The following DOCK4 variants were observed in gnomAD, a reference collection of about 807,000 sequenced individuals.
The protein encoded by DOCK4 is dedicator of cytokinesis protein 4.
Under a neutral mutation model 268.1 loss-of-function variants are expected in DOCK4, and 97 were observed. The ratio of observed to expected loss-of-function variants is 0.36; its 90% CI spans 0.31 to 0.43. The LOEUF is 0.43. Ranked by LOEUF, DOCK4 falls within the 20% of genes least tolerant of loss-of-function variation. The pLI, the probability that DOCK4 is intolerant of heterozygous loss-of-function variation, is 1.00. For missense variants in DOCK4, 2,145 were observed against 2,455.7 expected (o/e 0.87, Z 2.67); for synonymous variants, 954 against 887.2 (o/e 1.08, Z -1.34).
At chr7:112,005,113 C>G (rs916409373) in intron 1 of DOCK4, among the ~76,000 whole-genome samples, 1 of 152,070 alleles carries the variant, frequency 6.6e-6, no homozygotes, top group Non-Finnish European at 1.5e-5. Context: ...ACTAACAATT[C>G]ACATCAAAAG....
At chr7:112,134,855 C>T (rs574095426) in intron 1 of DOCK4, among the ~76,000 whole-genome samples, 3 of 152,232 alleles carry the variant, frequency 2.0e-5, no homozygotes, top group East Asian at 3.9e-4. Flanking sequence ...TAAGAAAACG[C>T]TATGCTTCAA....
intron 1 of DOCK4, among the ~76,000 whole-genome samples, chr7:112,096,522 A>T (rs1319702762): frequency 6.6e-6 from 1 of 152,070 alleles, no homozygotes; most frequent in Non-Finnish European, 1.5e-5. Flanking sequence ...AACATGTACT[A>T]ATTTTATTTT....
At chr7:111,935,075 T>A (rs916026564) in intron 12 of DOCK4, among the ~76,000 whole-genome samples, 2 of 151,678 alleles carry the variant, frequency 1.3e-5, no homozygotes, top group Non-Finnish European at 2.9e-5. Context: ...ACCTCCCGAG[T>A]AGCTGGGATT....
At chr7:112,174,939 C>CTTTT (rs368676870) in intron 1 of DOCK4, among the ~76,000 whole-genome samples, 4 of 131,280 alleles carry the variant, frequency 3.0e-5, no homozygotes, top group East Asian at 2.2e-4. Flanking sequence ...TCCCCTGGAA[C>CTTTT]TTTTTTTTTT....
At chr7:111,839,105 C>T (rs187351383) in intron 25 of DOCK4, among the ~76,000 whole-genome samples, 25 of 152,290 alleles carry the variant, frequency 1.6e-4, no homozygotes, top group Admixed American at 9.2e-4. Flanking sequence ...ACCCAGGTAT[C>T]CCTGGTTCTA....
chr7:111,944,531 C>T (rs1366076340), intron 10 of DOCK4, among the ~76,000 whole-genome samples: 1 of 152,094 alleles, frequency 6.6e-6, no homozygotes, highest in Non-Finnish European at 1.5e-5. Context: ...ATTTTTGAAT[C>T]AAATATGTTT....
At chr7:111,917,940 A>C (rs1312969916) in intron 12 of DOCK4, among the ~76,000 whole-genome samples, 2 of 152,200 alleles carry the variant, frequency 1.3e-5, no homozygotes, top group Non-Finnish European at 2.9e-5. Context: ...TTTATTTGTC[A>C]CATGTGTAGA....
At chr7:112,184,149 G>C (rs1353497549) in intron 1 of DOCK4, among the ~76,000 whole-genome samples, 8 of 152,146 alleles carry the variant, frequency 5.3e-5, no homozygotes. Flanking sequence ...GCACAGACCT[G>C]TATTTAACAG....
intron 1 of DOCK4, among the ~76,000 whole-genome samples, chr7:112,157,933 A>G (rs931096110): frequency 1.3e-5 from 2 of 152,214 alleles, no homozygotes; most frequent in Non-Finnish European, 2.9e-5. Flanking sequence ...TATAGTGGAG[A>G]GGATGAATCT....
At chr7:112,002,633 C>T (rs186284383) in intron 2 of DOCK4, among the ~76,000 whole-genome samples, 1 of 152,110 alleles carries the variant, frequency 6.6e-6, no homozygotes, top group Admixed American at 6.5e-5. Flanking sequence ...TATAATAAAC[C>T]TTGATATGAT....
At chr7:112,193,595 C>A (rs1820162154) in intron 1 of DOCK4, among the ~76,000 whole-genome samples, 1 of 129,600 alleles carries the variant, frequency 7.7e-6, no homozygotes, top group Non-Finnish European at 1.6e-5. Context: ...CCAGACCATG[C>A]CTTAAAAAAA....
Position 112,026,466 on chromosome 7 carries a change from TG to T in DOCK4, c.38-22336del, listed in dbSNP as rs550373363. Among the ~76,000 whole-genome samples, 54 of 152,330 alleles carry T rather than the reference TG, an allele frequency of 3.5e-4. 2 individuals carry two copies. The South Asian group carries it at 0.011, about 31-fold the overall frequency. On this transcript the variant is annotated intron_variant, in intron 1 of 52. Transcript: ENST00000428084. ...AACTGGTCCCCGGTGCCAAAAATGTTGGGGACCGCTGCCCTAAAAGAGGGCC... is the reference window on the plus strand; with the variant it reads ...AACTGGTCCCCGGTGCCAAAAATGTTGGGACCGCTGCCCTAAAAGAGGGCC...
chr7:111,837,527 T>A (rs181343084), intron 25 of DOCK4, among the ~76,000 whole-genome samples: 3 of 152,322 alleles, frequency 2.0e-5, no homozygotes, highest in Admixed American at 2.0e-4. Flanking sequence ...GATAAAGAGC[T>A]ACTGGAACTA....
intron 1 of DOCK4, among the ~76,000 whole-genome samples, chr7:112,084,058 T>C (rs1465380802): frequency 2.0e-5 from 3 of 152,138 alleles, no homozygotes; most frequent in Non-Finnish European, 4.4e-5. Flanking sequence ...GACTGGGCCC[T>C]CAAAATAAAC....
chr7:112,066,694 T>C (rs9770481), intron 1 of DOCK4, among the ~76,000 whole-genome samples: 11 of 11,302 alleles, frequency 9.7e-4, no homozygotes, highest in South Asian at 0.01. Flanking sequence ...CATATACATA[T>C]ATATATATAT....
In DOCK4 at chr7:112,034,488, C is replaced by G. The variant is rs534613542; in HGVS notation, c.38-30357G>C. Among the ~76,000 whole-genome samples, 7 of 152,294 alleles carry G rather than the reference C, an allele frequency of 4.6e-5. No individual in the cohort carries two copies. In the South Asian group the frequency reaches 1.5e-3, roughly 32 times the overall value. ...GAAAGTTATAAAGAAAGAAACAACCCTTGAGACTAGACTCTTGTATGTACG... is the reference window on the plus strand; with the variant it reads ...GAAAGTTATAAAGAAAGAAACAACCGTTGAGACTAGACTCTTGTATGTACG... On this transcript the variant is annotated intron_variant, in intron 1 of 52. Transcript: ENST00000428084.
intron 16 of DOCK4, among the ~76,000 whole-genome samples, chr7:111,892,954 G>A (rs1808416231): frequency 6.6e-6 from 1 of 152,152 alleles, no homozygotes; most frequent in Non-Finnish European, 1.5e-5. Flanking sequence ...TGGAGCAAAT[G>A]CTTCCTGATG....
At chr7:111,960,383 G>GA (rs950420341) in intron 8 of DOCK4, among the ~76,000 whole-genome samples, 1 of 147,770 alleles carries the variant, frequency 6.8e-6, no homozygotes, top group Non-Finnish European at 1.5e-5. Flanking sequence ...AAAAAGAAAA[G>GA]AAAAAAGAAT....
chr7:112,093,707 CA>C lies in DOCK4; in HGVS notation c.38-89577del, dbSNP rs1225481949. Among the ~76,000 whole-genome samples, 4 of 152,106 alleles carry C rather than the reference CA, an allele frequency of 2.6e-5. No homozygotes were observed. The East Asian group carries it at 7.7e-4, about 29-fold the overall frequency. On this transcript the variant is annotated intron_variant, in intron 1 of 52. Transcript: ENST00000428084. ...CCTCGAAAACTACTGCAAAAAAATC[CA>C]GCAATTTTGATTCTAGTTTTTAAGG...
Sources: gnomAD v4.1 joint callset for allele counts (sites outside exome capture counted in the v4.1 genomes callset) on GRCh38, gnomAD v4.1.1 for gene constraint, MANE v1.5 for transcripts, NCBI Gene and HGNC (gene_info 2026-07-23, HGNC 2026-07-21) for gene names.